CCSER1: variants seen among roughly 807,000 people sequenced by gnomAD.
CCSER1 encodes the protein coiled-coil serine rich protein 1, also known as serine-rich coiled-coil domain-containing protein 1.
A neutral mutation model predicts 82.0 loss-of-function variants in CCSER1; 41 were observed. The ratio of observed to expected loss-of-function variants is 0.50; its 90% CI spans 0.39 to 0.65. The LOEUF (loss-of-function observed/expected upper bound fraction) is 0.65, where lower values mean the gene tolerates loss of function less well. CCSER1 is among the 30% of genes least tolerant of loss of function. The pLI is 0.00. For synonymous variants in CCSER1, 414 were observed against 383.9 expected, an observed-to-expected ratio of 1.08 and a Z score of -0.92; for missense variants, 1,119 against 1,064.2, an observed-to-expected ratio of 1.05 and a Z score of -0.72.
At chr4:90,703,268 T>C (rs1228193817) in intron 6 of CCSER1, among the ~76,000 whole-genome samples, 1 of 152,236 alleles carries the variant, frequency 6.6e-6, no homozygotes, top group Non-Finnish European at 1.5e-5. Flanking sequence ...TCAGTTTCCA[T>C]GTAGTTGAGA....
chr4:90,208,851 C>T (rs1460441579), intron 1 of CCSER1, among the ~76,000 whole-genome samples: 2 of 152,098 alleles, frequency 1.3e-5, no homozygotes, highest in African/African-American at 4.8e-5. Context: ...CTAACCAGTC[C>T]CACTGAGATG....
At chr4:91,101,659 G>A (rs543810937) in intron 10 of CCSER1, among the ~76,000 whole-genome samples, 3 of 152,084 alleles carry the variant, frequency 2.0e-5, no homozygotes, top group Admixed American at 2.0e-4. Flanking sequence ...CAGGTTGGGG[G>A]CCTGACAAAC....
chr4:91,371,050 A>G (rs2149324137), intron 10 of CCSER1, among the ~76,000 whole-genome samples: 1 of 152,028 alleles, frequency 6.6e-6, no homozygotes, highest in Non-Finnish European at 1.5e-5. Context: ...TTAGTGGAGA[A>G]GGGGGTTTCA....
chr4:90,700,757 T>A (rs966381734), intron 6 of CCSER1, among the ~76,000 whole-genome samples: 1 of 152,256 alleles, frequency 6.6e-6, no homozygotes, highest in Non-Finnish European at 1.5e-5. Context: ...GAGCATTTGT[T>A]CATGTGTCTG....
At chr4:90,330,904 T>G (rs1739163302) in intron 3 of CCSER1, among the ~76,000 whole-genome samples, 1 of 152,174 alleles carries the variant, frequency 6.6e-6, no homozygotes, top group Admixed American at 6.5e-5. Flanking sequence ...TGCTTGAATC[T>G]TCAGCTTTTC....
At chr4:90,289,503 T>C (rs945788336) in intron 1 of CCSER1, among the ~76,000 whole-genome samples, 3 of 151,938 alleles carry the variant, frequency 2.0e-5, no homozygotes, top group Admixed American at 6.6e-5. Flanking sequence ...TCACATGGAA[T>C]ATAAGAGACC....
At chr4:90,435,870 AT>A (rs140475366) in intron 4 of CCSER1, among the ~76,000 whole-genome samples, 7,758 of 150,380 alleles carry the variant, frequency 0.052, 447 homozygotes, top group African/African-American at 0.15. Context: ...AAAATCTTAG[AT>A]TTTTTTTTTC....
chr4:90,739,464 C>T (rs1051804035), intron 7 of CCSER1, among the ~76,000 whole-genome samples: 10 of 152,138 alleles, frequency 6.6e-5, no homozygotes, highest in Non-Finnish European at 1.0e-4. Context: ...CCTTGGCTGC[C>T]CCAGCTTGTG....
chr4:90,777,137 C>T (rs529452222), intron 7 of CCSER1, among the ~76,000 whole-genome samples: 2 of 151,982 alleles, frequency 1.3e-5, no homozygotes, highest in East Asian at 3.9e-4. Flanking sequence ...GGGTGGATCA[C>T]CTGAGGGTCA....
At chr4:90,226,352 T>C (rs1195054921) in intron 1 of CCSER1, among the ~76,000 whole-genome samples, 4 of 152,212 alleles carry the variant, frequency 2.6e-5, no homozygotes, top group Non-Finnish European at 5.9e-5. Flanking sequence ...TTACTTCATC[T>C]CCATATACTG....
At chr4:90,242,736 T>C (rs1415323225) in intron 1 of CCSER1, among the ~76,000 whole-genome samples, 1 of 152,222 alleles carries the variant, frequency 6.6e-6, no homozygotes, top group Non-Finnish European at 1.5e-5. Context: ...GTGACTGATA[T>C]GCACACAATT....
At chr4:90,233,826 A>C (rs1745206970) in intron 1 of CCSER1, among the ~76,000 whole-genome samples, 1 of 152,108 alleles carries the variant, frequency 6.6e-6, no homozygotes, top group Non-Finnish European at 1.5e-5. Flanking sequence ...ATATGTTTCA[A>C]TATGAATGAT....
At chr4:90,721,160 A>G (rs1270175870) in intron 6 of CCSER1, among the ~76,000 whole-genome samples, 1 of 151,948 alleles carries the variant, frequency 6.6e-6, no homozygotes, top group African/African-American at 2.4e-5. Context: ...CATAGTCTAC[A>G]TTAAATAGAA....
chr4:91,268,554 C>T (rs530145929), intron 10 of CCSER1, among the ~76,000 whole-genome samples: 6 of 152,098 alleles, frequency 3.9e-5, no homozygotes, highest in Admixed American at 6.6e-5. Flanking sequence ...TTATGTCACG[C>T]GCTTCCCAGT....
At chr4:91,169,429 T>C (rs1399035117) in intron 10 of CCSER1, among the ~76,000 whole-genome samples, 1 of 152,102 alleles carries the variant, frequency 6.6e-6, no homozygotes, top group Non-Finnish European at 1.5e-5. Flanking sequence ...GAAACCAGCC[T>C]GGCCACCGTG....
chr4:90,342,546 T>G (rs995276249), intron 3 of CCSER1, among the ~76,000 whole-genome samples: 1 of 152,220 alleles, frequency 6.6e-6, no homozygotes, highest in Non-Finnish European at 1.5e-5. Context: ...TCTATACTTT[T>G]GCATTCAGCA....
At chr4:91,388,742 C>A (rs1751464983) in intron 10 of CCSER1, among the ~76,000 whole-genome samples, 1 of 151,984 alleles carries the variant, frequency 6.6e-6, no homozygotes, top group Admixed American at 6.6e-5. Flanking sequence ...TCTCTGATTA[C>A]TGTAGCTTTA....
At chr4:90,200,342 A>G (rs1468535904) in intron 1 of CCSER1, among the ~76,000 whole-genome samples, 4 of 152,078 alleles carry the variant, frequency 2.6e-5, no homozygotes, top group Non-Finnish European at 4.4e-5. Flanking sequence ...TTACTACATT[A>G]TTTTTCCTAG....
At chr4:91,063,695 C>T (rs1744139273) in intron 9 of CCSER1, among the ~76,000 whole-genome samples, 1 of 152,088 alleles carries the variant, frequency 6.6e-6, no homozygotes, top group African/African-American at 2.4e-5. Context: ...CCTGATTCTT[C>T]CTTTGGGTTT....
Sources: gnomAD v4.1 joint callset for allele counts (sites outside exome capture counted in the v4.1 genomes callset) on GRCh38, gnomAD v4.1.1 for gene constraint, MANE v1.5 for transcripts, NCBI Gene and HGNC (gene_info 2026-07-23, HGNC 2026-07-21) for gene names.